Variants in STYX observed in about 807,000 individuals in gnomAD.
STYX encodes serine/threonine/tyrosine interacting protein, also known as serine/threonine/tyrosine-interacting protein.
Under a neutral mutation model 42.7 loss-of-function variants are expected in STYX, and 20 were observed. That is an observed-to-expected ratio of 0.47 (90% CI 0.33 to 0.68). The LOEUF (loss-of-function observed/expected upper bound fraction) is 0.68. Ranked by LOEUF, STYX falls within the 30% of genes least tolerant of loss-of-function variation. STYX has a pLI of 0.02. For synonymous variants in STYX, 78 were observed against 81.9 expected (o/e 0.95, Z 0.26); for missense variants, 226 against 268.5 (o/e 0.84, Z 1.11).
chr14:52,761,637 C>T (rs188275929), intron 9 of STYX, among the ~76,000 whole-genome samples: 2 of 142,466 alleles, frequency 1.4e-5, no homozygotes, highest in East Asian at 4.5e-4. Context: ...GGCGCCATCT[C>T]GGTTCACTGC....
At chr14:52,731,029 A>C (rs1594859351) in intron 1 of STYX, among the ~76,000 whole-genome samples, 1 of 152,244 alleles carries the variant, frequency 6.6e-6, no homozygotes, top group Admixed American at 6.5e-5. Context: ...AGTGTCTCAA[A>C]GCTAGCTCAT....
At chr14:52,749,442 A>G (rs1481291421) in intron 3 of STYX, among the ~76,000 whole-genome samples, 2 of 152,226 alleles carry the variant, frequency 1.3e-5, no homozygotes, top group Non-Finnish European at 2.9e-5. Flanking sequence ...AATTAAATAT[A>G]TAGGATTTAA....
intron 1 of STYX, among the ~76,000 whole-genome samples, chr14:52,741,133 A>G (rs1365941413): frequency 1.3e-5 from 2 of 151,924 alleles, no homozygotes; most frequent in African/African-American, 4.8e-5. Context: ...GACCATAGAC[A>G]TTTGAGTTCT....
chr14:52,734,280 GCCTTAGATTC>G (rs1409024537), intron 1 of STYX, among the ~76,000 whole-genome samples: 1 of 152,190 alleles, frequency 6.6e-6, no homozygotes, highest in African/African-American at 2.4e-5. Flanking sequence ...GGGTGAAACA[GCCTTAGATTC>G]CCTGCCTCCA....
intron 1 of STYX, among the ~76,000 whole-genome samples, chr14:52,735,026 C>T (rs1880892969): frequency 6.6e-6 from 1 of 151,360 alleles, no homozygotes; most frequent in African/African-American, 2.4e-5. Flanking sequence ...CACTGCACTC[C>T]AGCCTGGGAG....
At chr14:52,759,109 A>G (rs1412422861) in intron 8 of STYX, among the ~76,000 whole-genome samples, 5 of 152,036 alleles carry the variant, frequency 3.3e-5, no homozygotes, top group Admixed American at 3.3e-4. Flanking sequence ...TACTATATGC[A>G]CAAAATGCTT....
chr14:52,749,172 C>T (rs1412012386), intron 3 of STYX, among the ~76,000 whole-genome samples: 2 of 152,158 alleles, frequency 1.3e-5, no homozygotes. Context: ...GCTGTATCCT[C>T]ACACGGCCAA....
intron 9 of STYX, among the ~76,000 whole-genome samples, chr14:52,760,387 T>G (rs1264931155): frequency 1.3e-5 from 2 of 152,148 alleles, no homozygotes; most frequent in African/African-American, 4.8e-5. Context: ...TATAACAGCT[T>G]TTTCTATTCT....
intron 8 of STYX, 67 bp from the exon 9 acceptor site, chr14:52,759,615 A>G (rs1882014377): frequency 3.7e-6 from 4 of 1,087,120 alleles, no homozygotes; most frequent in East Asian, 2.4e-5. Flanking sequence ...CTCTATTGCT[A>G]AGTTGTATGA....
intron 9 of STYX, among the ~76,000 whole-genome samples, chr14:52,767,477 T>TTTTTG (rs760426359): frequency 2.0e-5 from 3 of 152,194 alleles, no homozygotes; most frequent in Non-Finnish European, 4.4e-5. Context: ...TGCTTTTCTG[T>TTTTTG]TTTTGTTTTG....
chr14:52,736,269 C>T (rs1880945609), intron 1 of STYX, among the ~76,000 whole-genome samples: 1 of 152,216 alleles, frequency 6.6e-6, no homozygotes, highest in Non-Finnish European at 1.5e-5. Context: ...TCTCTAACTC[C>T]TTTCCTCATC....
At chr14:52,770,413 C>T (rs1309618025) in intron 10 of STYX, among the ~76,000 whole-genome samples, 1 of 152,046 alleles carries the variant, frequency 6.6e-6, no homozygotes, top group Non-Finnish European at 1.5e-5. Flanking sequence ...AGTTTTCCTC[C>T]ATTGAGAGTC....
At chr14:52,754,147 C>G (rs1231122239) in intron 4 of STYX, among the ~76,000 whole-genome samples, 3 of 152,026 alleles carry the variant, frequency 2.0e-5, no homozygotes, top group Non-Finnish European at 1.5e-5. Context: ...CTTGGCCTCC[C>G]ACAGTGCTGG....
chr14:52,751,251 G>A (rs542851527), intron 4 of STYX, among the ~76,000 whole-genome samples: 1 of 151,858 alleles, frequency 6.6e-6, no homozygotes, highest in African/African-American at 2.4e-5. Flanking sequence ...GGTTTATATC[G>A]GTATGTATAT....
chr14:52,757,409 T>A, intron 6 of STYX, 54 bp downstream of exon 6: 2 of 1,480,254 alleles, frequency 1.4e-6, no homozygotes, highest in Non-Finnish European at 1.9e-6. Context: ...TATTTGTTAA[T>A]TTTTTAGTTG....
chr14:52,761,267 G>C (rs1343034218), intron 9 of STYX, among the ~76,000 whole-genome samples: 1 of 150,728 alleles, frequency 6.6e-6, no homozygotes, highest in African/African-American at 2.4e-5. Flanking sequence ...GGCGGAGGTT[G>C]TGGTGAGCTG....
Position 52,730,195 on chromosome 14 carries a change from C to CTGGGCGGCCTGAGGGGTA in STYX, c.-279_-262dup. ...GTCGGGCTGGTTCCTGTGCTGGATC[C>CTGGGCGGCCTGAGGGGTA]TGGGCGGCCTGAGGGGTACGGAGAC... On this transcript the variant is annotated 5_prime_UTR_variant, in exon 1 of 11. In the 5' UTR this introduces an upstream ATG that the reference lacks. Coordinates refer to ENST00000354586, the MANE Select transcript of STYX (RefSeq NM_145251.4). The CTGGGCGGCCTGAGGGGTA allele has an allele frequency of 2.0e-6, 1 of 496,962 alleles. No homozygotes were observed. Among genetic ancestry groups the CTGGGCGGCCTGAGGGGTA allele is most frequent in the Non-Finnish European group, 3.6e-6 (1 of 278,354 alleles). The allele number at this position is 496,962 out of a possible 1,614,324, so 30.8% of individuals were successfully genotyped here.
intron 1 of STYX, among the ~76,000 whole-genome samples, chr14:52,743,510 G>A (rs1881277500): frequency 6.6e-6 from 1 of 152,078 alleles, no homozygotes; most frequent in African/African-American, 2.4e-5. Flanking sequence ...GAACCCGGGA[G>A]ACGGAGCTTG....
intron 10 of STYX, among the ~76,000 whole-genome samples, chr14:52,769,221 C>T (rs1049261993): frequency 1.1e-4 from 17 of 152,028 alleles, no homozygotes; most frequent in Non-Finnish European, 2.4e-4. Flanking sequence ...GTTAATACAG[C>T]GTGTAGCATG....
Sources: allele counts gnomAD v4.1 joint callset (sites outside exome capture counted in the v4.1 genomes callset), GRCh38; gene constraint gnomAD v4.1.1; transcripts MANE v1.5; gene names NCBI Gene and HGNC (gene_info 2026-07-23, HGNC 2026-07-21).